Variants in E2F3 observed in about 807,000 individuals in gnomAD.
E2F3 encodes the protein E2F transcription factor 3.
E2F3 carries 11 observed loss-of-function variants against 44.4 expected under a neutral mutation model. That is an observed-to-expected ratio of 0.25 (90% CI 0.16 to 0.41). The LOEUF (loss-of-function observed/expected upper bound fraction) is 0.41. Among genes scored for constraint, E2F3 ranks in the 10% least tolerant of loss-of-function variants. The pLI, the probability that E2F3 is intolerant of heterozygous loss-of-function variation, is 1.00. For synonymous variants in E2F3, 249 were observed against 253.0 expected, an observed-to-expected ratio of 0.98 and a Z score of 0.15; for missense variants, 487 against 583.6, an observed-to-expected ratio of 0.83 and a Z score of 1.70.
intron 1 of E2F3, among the ~76,000 whole-genome samples, chr6:20,464,046 C>T (rs1408196013): frequency 6.6e-6 from 1 of 152,160 alleles, no homozygotes; most frequent in Non-Finnish European, 1.5e-5. Flanking sequence ...ATGCACAGGG[C>T]GAGGTATGGG....
chr6:20,488,048 G>A, intron 5 of E2F3, 65 bp from the exon 6 acceptor site: 2 of 1,592,762 alleles, frequency 1.3e-6, no homozygotes, highest in Non-Finnish European at 1.7e-6. Flanking sequence ...TTTTAGACAA[G>A]AATTACTATG....
intron 2 of E2F3, among the ~76,000 whole-genome samples, chr6:20,480,849 T>C (rs1347406127): frequency 6.6e-6 from 1 of 152,182 alleles, no homozygotes; most frequent in Non-Finnish European, 1.5e-5. Context: ...TCGTGTGTGC[T>C]GGTCCCCTGA....
intron 1 of E2F3, among the ~76,000 whole-genome samples, chr6:20,413,895 C>G (rs181815556): frequency 1.3e-5 from 2 of 152,304 alleles, no homozygotes; most frequent in Admixed American, 1.3e-4. Flanking sequence ...AAAAGAAATA[C>G]AAGACCTTTG....
At chr6:20,408,799 G>C (rs947187349) in intron 1 of E2F3, among the ~76,000 whole-genome samples, 4 of 152,220 alleles carry the variant, frequency 2.6e-5, no homozygotes, top group Non-Finnish European at 5.9e-5. Flanking sequence ...ACTTTAGTCT[G>C]CTTTCCATTA....
intron 1 of E2F3, among the ~76,000 whole-genome samples, chr6:20,405,400 G>T (rs1250447711): frequency 1.4e-5 from 2 of 142,228 alleles, no homozygotes; most frequent in African/African-American, 5.3e-5. Flanking sequence ...AGGCTGGAGT[G>T]CAATGGCACG....
chr6:20,403,824 C>A, intron 1 of E2F3: 1 of 1,497,614 alleles, frequency 6.7e-7, no homozygotes, highest in East Asian at 2.8e-5. Flanking sequence ...AATGCCCTTA[C>A]AGCAGCAGGT....
At chr6:20,429,177 A>G (rs1472348886) in intron 1 of E2F3, among the ~76,000 whole-genome samples, 1 of 152,216 alleles carries the variant, frequency 6.6e-6, no homozygotes, top group Non-Finnish European at 1.5e-5. Context: ...TCTTGCTCTC[A>G]GATAATTCTT....
chr6:20,449,991 G>A (rs1761076643), intron 1 of E2F3, among the ~76,000 whole-genome samples: 1 of 152,138 alleles, frequency 6.6e-6, no homozygotes, highest in African/African-American at 2.4e-5. Flanking sequence ...AGGTATATAT[G>A]TACCACATTT....
In E2F3 at chr6:20,490,139, T is replaced by C; in HGVS notation, c.1136-29T>C. 2 of 1,542,904 alleles carry C rather than the reference T, an allele frequency of 1.3e-6. No individual in the cohort carries two copies. Among genetic ancestry groups the C allele is most frequent in the Non-Finnish European group, 1.7e-6 (2 of 1,145,084 alleles). On this transcript the variant is annotated intron_variant, in intron 6 of 6. Coordinates refer to ENST00000346618, the MANE Select transcript of E2F3 (RefSeq NM_001949.5). The surrounding 1 kb of genome is among the most constrained non-coding windows in gnomAD (Gnocchi z 4.3). ...ATTCATTTGATTTTTCTAACTTATT[T>C]TTTGTTTCCATCAATGTTTTCTTTT...
intron 1 of E2F3, among the ~76,000 whole-genome samples, chr6:20,472,066 A>ACACACACT (rs1299394451): frequency 3.7e-4 from 55 of 148,278 alleles, no homozygotes; most frequent in African/African-American, 1.2e-3. Flanking sequence ...ACACACACAC[A>ACACACACT]CACTCACATC....
chr6:20,453,215 C>A (rs1761191614), intron 1 of E2F3, among the ~76,000 whole-genome samples: 2 of 151,944 alleles, frequency 1.3e-5, no homozygotes, highest in Admixed American at 6.6e-5. Flanking sequence ...ACAGAATTTT[C>A]CATTCTTTCT....
chr6:20,428,778 G>T (rs556988813), intron 1 of E2F3, among the ~76,000 whole-genome samples: 1 of 152,116 alleles, frequency 6.6e-6, no homozygotes, highest in African/African-American at 2.4e-5. Flanking sequence ...TAATTGTTCC[G>T]TAAATATATT....
intron 1 of E2F3, among the ~76,000 whole-genome samples, chr6:20,431,513 G>A (rs567114103): frequency 1.3e-5 from 2 of 152,220 alleles, no homozygotes; most frequent in Admixed American, 6.5e-5. Flanking sequence ...GTGAGTCGGA[G>A]GGGGGTCAAC....
At position 20,401,920 on chromosome 6, in the gene E2F3, G is replaced by T; in HGVS notation, c.-313G>T. On this transcript the variant is annotated 5_prime_UTR_variant, in exon 1 of 7. Transcript: ENST00000346618. ...AGCTTCCTGGAGCCATTTTTCAGCT[G>T]CCGGCCGCAGCACCCGGGCTGCCGC... is the stretch of plus-strand genomic sequence containing the variant. The T allele has an allele frequency of 5.1e-6, 2 of 394,108 alleles. No homozygotes were observed. The highest frequency in any genetic ancestry group is 5.4e-5 in the South Asian group (1 of 18,418). The allele number at this position is 394,108 out of a possible 1,614,324, so 24.4% of individuals were successfully genotyped here.
At position 20,466,685 on chromosome 6, in the gene E2F3, C is replaced by CT. The variant is rs35856468; in HGVS notation, c.394-13146dup. On this transcript the variant is annotated intron_variant, in intron 1 of 6. Coordinates refer to ENST00000346618, the MANE Select transcript of E2F3 (RefSeq NM_001949.5). ...TCTGTTTCATCCCTATCGGTGTGTT[C>CT]TTTTTTTTTTTTTTTGAGACGGAGT... Among the ~76,000 whole-genome samples, 500 of 127,686 alleles carry CT rather than the reference C, an allele frequency of 3.9e-3. 3 individuals carry two copies. Among genetic ancestry groups the CT allele is most frequent in the Middle Eastern group, 0.012 (3 of 258 alleles). 83.8% of individuals were successfully genotyped at this position (127,686 alleles called of 152,430 possible).
intron 4 of E2F3, among the ~76,000 whole-genome samples, chr6:20,485,111 A>G (rs1377538700): frequency 6.6e-6 from 1 of 152,126 alleles, no homozygotes; most frequent in Non-Finnish European, 1.5e-5. Context: ...TTGGTTTGTT[A>G]CTTGCTGTTT....
intron 1 of E2F3, among the ~76,000 whole-genome samples, chr6:20,420,097 G>C (rs550270504): frequency 6.6e-6 from 1 of 152,176 alleles, no homozygotes; most frequent in Non-Finnish European, 1.5e-5. Context: ...TATTTTACTT[G>C]TATGTTTTTT....
At chr6:20,440,387 G>C (rs1760734700) in intron 1 of E2F3, among the ~76,000 whole-genome samples, 1 of 152,178 alleles carries the variant, frequency 6.6e-6, no homozygotes, top group South Asian at 2.1e-4. Context: ...TTTAGCCCCA[G>C]CCTACTTCCA....
intron 1 of E2F3, among the ~76,000 whole-genome samples, chr6:20,431,312 A>G (rs2127593183): frequency 6.6e-6 from 1 of 152,296 alleles, no homozygotes; most frequent in South Asian, 2.1e-4. Context: ...CTTCTGGAGA[A>G]GGAACCAGCT....
Sources: allele counts gnomAD v4.1 joint callset (sites outside exome capture counted in the v4.1 genomes callset), GRCh38; gene constraint gnomAD v4.1.1; non-coding constraint Gnocchi (gnomAD v3.1); transcripts MANE v1.5; gene names NCBI Gene and HGNC (gene_info 2026-07-23, HGNC 2026-07-21).